The following MYLK4 variants were observed in gnomAD, a reference collection of about 807,000 sequenced individuals.
MYLK4 encodes myosin light chain kinase family member 4, also known as caMLCK like.
MYLK4 carries 46 observed loss-of-function variants against 48.1 expected under a neutral mutation model. The observed-to-expected ratio is 0.96, with a 90% confidence interval of 0.75 to 1.22. MYLK4 has a LOEUF of 1.22. Ranked by LOEUF, MYLK4 falls within the 50% of genes most tolerant of loss-of-function variation. MYLK4 has a pLI of 0.00. For synonymous variants in MYLK4, 170 were observed against 180.8 expected (o/e 0.94, Z 0.48); for missense variants, 451 against 486.1 (o/e 0.93, Z 0.68).
chr6:2,683,262 A>C, intron 6 of MYLK4, 100 bp from the exon 7 acceptor site: 1 of 1,306,954 alleles, frequency 7.7e-7, no homozygotes, highest in Non-Finnish European at 1.1e-6. Flanking sequence ...ACCTCTTCTG[A>C]AAGGTGTATG....
the MYLK4 span, among the ~76,000 whole-genome samples, chr6:2,757,224 G>A: frequency 1.1e-4 from 17 of 151,830 alleles, no homozygotes; most frequent in Admixed American, 3.3e-4. Context: ...ATAATAGGTC[G>A]CGAGCTTTTA....
chr6:2,727,056 C>A (rs559153405), intron 2 of MYLK4, among the ~76,000 whole-genome samples: 3 of 152,284 alleles, frequency 2.0e-5, no homozygotes, highest in East Asian at 3.9e-4. Flanking sequence ...TCAGATTCTG[C>A]CATCTGAAAG....
At chr6:2,715,192 G>A (rs1340278842) in intron 2 of MYLK4, among the ~76,000 whole-genome samples, 2 of 151,786 alleles carry the variant, frequency 1.3e-5, no homozygotes, top group Admixed American at 6.6e-5. Context: ...CCTGGGAGGC[G>A]GAGGTTGCGG....
the MYLK4 span, among the ~76,000 whole-genome samples, chr6:2,763,020 C>A: frequency 6.6e-6 from 1 of 152,200 alleles, no homozygotes; most frequent in African/African-American, 2.4e-5. Context: ...AGCGGGTCTC[C>A]ATCGCCAGCT....
At chr6:2,707,195 T>A (rs562094389) in intron 2 of MYLK4, among the ~76,000 whole-genome samples, 1 of 152,290 alleles carries the variant, frequency 6.6e-6, no homozygotes, top group African/African-American at 2.4e-5. Flanking sequence ...AGATCTAAAC[T>A]GTGAAATAAA....
rs1432366858 is a variant in MYLK4 at position 2,665,851 on chromosome 6, G to C, written c.*2074C>G. 2 of 152,054 alleles carry C rather than the reference G, an allele frequency of 1.3e-5. No individual in the cohort carries two copies. Among genetic ancestry groups the C allele is most frequent in the African/African-American group, 2.4e-5 (1 of 41,390 alleles). The allele number at this position is 152,054 out of a possible 1,614,324, so 9.4% of individuals were successfully genotyped here. On this transcript the variant is annotated 3_prime_UTR_variant, in exon 13 of 13. Coordinates refer to ENST00000274643, the MANE Select transcript of MYLK4 (RefSeq NM_001012418.5). ...CATGCACTGGCTTGTATTTTTCCAG[G>C]CTCAATGAATATCATCAGCTAAAGA...
At chr6:2,693,118 T>C (rs1031393826) in intron 2 of MYLK4, among the ~76,000 whole-genome samples, 6 of 152,168 alleles carry the variant, frequency 3.9e-5, no homozygotes, top group African/African-American at 1.4e-4. Flanking sequence ...TACTATATTA[T>C]ATGATTCAAA....
intron 12 of MYLK4, among the ~76,000 whole-genome samples, chr6:2,669,007 G>T (rs538005746): frequency 3.3e-4 from 50 of 152,222 alleles, no homozygotes; most frequent in African/African-American, 1.2e-3. Context: ...GTTTGAGGCT[G>T]CAGTGAGCTA....
At chr6:2,735,711 G>A (rs189869540) in intron 2 of MYLK4, among the ~76,000 whole-genome samples, 4 of 152,276 alleles carry the variant, frequency 2.6e-5, no homozygotes, top group South Asian at 2.1e-4. Flanking sequence ...CTGGCTCAGC[G>A]TATGTAGTCG....
chr6:2,756,681 A>C, the MYLK4 span, among the ~76,000 whole-genome samples: 1,411 of 152,290 alleles, frequency 9.3e-3, 11 homozygotes, highest in Non-Finnish European at 0.014. Context: ...ACCCCCTCCC[A>C]CTGATACTTT....
chr6:2,674,871 CA>C (rs1469547096), intron 11 of MYLK4, among the ~76,000 whole-genome samples, 175 bp downstream of exon 11: 2 of 151,896 alleles, frequency 1.3e-5, no homozygotes, highest in African/African-American at 4.8e-5. Context: ...AATTTTGCCT[CA>C]AAAAAAATTT....
chr6:2,678,399 T>A, intron 9 of MYLK4, 27 bp from the exon 10 acceptor site: 1 of 1,610,618 alleles, frequency 6.2e-7, no homozygotes. Flanking sequence ...CCAGAGTGAG[T>A]ATTTTTTAAA....
At chr6:2,759,717 C>T in the MYLK4 span, among the ~76,000 whole-genome samples, 29 of 152,160 alleles carry the variant, frequency 1.9e-4, no homozygotes, top group Admixed American at 1.2e-3. Context: ...AACCTTTCCC[C>T]TCATCAATGA....
intron 12 of MYLK4, among the ~76,000 whole-genome samples, chr6:2,668,234 G>A (rs1014877070): frequency 2.5e-4 from 38 of 152,120 alleles, no homozygotes; most frequent in South Asian, 1.0e-3. Context: ...TCTTTGTTTC[G>A]TCTGAAGTAC....
At chr6:2,716,991 T>C (rs986541042) in intron 2 of MYLK4, among the ~76,000 whole-genome samples, 3 of 152,150 alleles carry the variant, frequency 2.0e-5, no homozygotes, top group Non-Finnish European at 4.4e-5. Flanking sequence ...AAAGTGGAGA[T>C]GCTGCTTGAG....
At position 2,683,026 on chromosome 6, in the gene MYLK4, G is replaced by C; in HGVS notation, c.682C>G (p.Leu228Val). 1 of 1,614,126 alleles carries C rather than the reference G, an allele frequency of 6.2e-7. No individual in the cohort carries two copies. Among genetic ancestry groups the C allele is most frequent in the Non-Finnish European group, 8.5e-7 (1 of 1,180,026 alleles). Residue 228 changes from leucine to valine, a missense_variant, in exon 7 of 13, where the codon CTG becomes GTG. Transcript: ENST00000274643. The part of the protein sequence containing the change: ...MHQMYILHLD[L>V]KPENILCVNR... ...AGGATACAAAACACCCTTACCTTCAGGTCCAAGTGGAGAATGTACATCTGA... is the reference window on the plus strand; with the variant it reads ...AGGATACAAAACACCCTTACCTTCACGTCCAAGTGGAGAATGTACATCTGA...
intron 2 of MYLK4, among the ~76,000 whole-genome samples, chr6:2,716,473 G>A (rs1762870175): frequency 6.6e-6 from 1 of 152,250 alleles, no homozygotes; most frequent in African/African-American, 2.4e-5. Flanking sequence ...TATGCAGATA[G>A]AAACTTAAAT....
chr6:2,722,643 A>G (rs1763112980), intron 2 of MYLK4, among the ~76,000 whole-genome samples: 1 of 151,908 alleles, frequency 6.6e-6, no homozygotes. Flanking sequence ...AAGAAAAACG[A>G]ACACATGCAT....
chr6:2,749,086 G>T (rs1025443978), intron 2 of MYLK4, 50 bp downstream of exon 2: 12 of 1,547,414 alleles, frequency 7.8e-6, no homozygotes, highest in East Asian at 6.7e-5. Flanking sequence ...CATTAGAAAA[G>T]ATAAGATAGA....
Sources: gnomAD v4.1 joint callset for allele counts (sites outside exome capture counted in the v4.1 genomes callset) on GRCh38, gnomAD v4.1.1 for gene constraint, MANE v1.5 for transcripts, NCBI Gene and HGNC (gene_info 2026-07-23, HGNC 2026-07-21) for gene names.